PSMC3IP: variants seen among roughly 807,000 people sequenced by gnomAD.
The protein encoded by PSMC3IP is PSMC3 interacting protein.
Under a neutral mutation model 34.9 loss-of-function variants are expected in PSMC3IP, and 26 were observed. The observed-to-expected ratio is 0.74, with a 90% CI of 0.55 to 1.03. The LOEUF is 1.03. Ranked by LOEUF, PSMC3IP falls within the 50% of genes least tolerant of loss-of-function variation. The pLI, the probability that PSMC3IP is intolerant of heterozygous loss-of-function variation, is 0.00. For synonymous variants in PSMC3IP, 87 were observed against 96.5 expected (o/e 0.90, Z 0.57); for missense variants, 250 against 263.1 (o/e 0.95, Z 0.34).
Position 42,577,574 on chromosome 17 carries a change from A to C in PSMC3IP, c.35-13T>G. On this transcript the variant is annotated splice_polypyrimidine_tract_variant and intron_variant, in intron 1 of 7. Coordinates refer to ENST00000393795, the MANE Select transcript of PSMC3IP (RefSeq NM_016556.4). ...AGGATCCCGGCGGCTACGGAGAGAA[A>C]GGCAGGGGAGGGGGCCACTCAACCG... 1 of 1,614,124 alleles carries C rather than the reference A, an allele frequency of 6.2e-7. No individual in the cohort carries two copies. The highest frequency in any genetic ancestry group is 8.5e-7 in the Non-Finnish European group (1 of 1,180,020).
At position 42,577,541 on chromosome 17, in the gene PSMC3IP, A is replaced by G. The variant is rs752963159; in HGVS notation, c.55T>C (p.Tyr19His). 1.2e-6 allele frequency: 2 copies of G among 1,614,108 alleles called. No homozygotes were observed. Among genetic ancestry groups the G allele is most frequent in the Non-Finnish European group, 1.7e-6 (2 of 1,180,018 alleles). ...TAGGGCCGGTTCTGCTCCTGCAGGT[A>G]CCTCAGGAGGATCCCGGCGGCTACG... ...AAGAAGILLRYLQEQNRPYSS... is the reference protein window; with the variant it reads ...AAGAAGILLRHLQEQNRPYSS... The change falls in exon 2 of 8, where the codon TAC becomes CAC. Residue 19 changes from tyrosine to histidine, a missense_variant. Transcript: ENST00000393795.
chr17:42,573,098 T>C lies in PSMC3IP; in HGVS notation c.597+9A>G. The C allele has an allele frequency of 6.2e-7, 1 of 1,614,164 alleles. No individual in the cohort carries two copies. Among genetic ancestry groups the C allele is most frequent in the Non-Finnish European group, 8.5e-7 (1 of 1,180,012 alleles). On this transcript the variant is annotated intron_variant, in intron 7 of 7. Coordinates refer to ENST00000393795, the MANE Select transcript of PSMC3IP (RefSeq NM_016556.4). ...CAGGGAAGCAAAGAAGGAAGAGAGC[T>C]CCACTTACAAAGAACTGCTTCTTGC...
In PSMC3IP at chr17:42,572,954, T is replaced by A; in HGVS notation, c.*14A>T. 6.2e-7 allele frequency: 1 copy of A among 1,613,854 alleles called. No homozygotes were observed. Among genetic ancestry groups the A allele is most frequent in the Non-Finnish European group, 8.5e-7 (1 of 1,179,854 alleles). ...GACATCCTGCAGTCCCCACCAGTCCTGACCGTGGGCCCCTCAGGGGTCTGG... is the reference window on the plus strand; with the variant it reads ...GACATCCTGCAGTCCCCACCAGTCCAGACCGTGGGCCCCTCAGGGGTCTGG... On this transcript the variant is annotated 3_prime_UTR_variant, in exon 8 of 8. Transcript: ENST00000393795.
At chr17:42,576,182 A>C (rs557441869) in intron 3 of PSMC3IP, among the ~76,000 whole-genome samples, 1 of 152,252 alleles carries the variant, frequency 6.6e-6, no homozygotes, top group African/African-American at 2.4e-5. Flanking sequence ...AGGGAAGACA[A>C]CATGCAAAGG....
intron 3 of PSMC3IP, chr17:42,577,009 C>T: frequency 7.9e-7 from 1 of 1,269,874 alleles, no homozygotes; most frequent in Non-Finnish European, 1.1e-6. Context: ...AATACAGAAT[C>T]TTCTGTCATC....
chr17:42,573,415 CTG>C, intron 5 of PSMC3IP, 51 bp from the exon 6 acceptor site: 2 of 1,614,258 alleles, frequency 1.2e-6, no homozygotes, highest in Non-Finnish European at 1.7e-6. Context: ...CAGCAGCCCT[CTG>C]GGGCTCAGCC....
At position 42,574,154 on chromosome 17, in the gene PSMC3IP, C is replaced by T. The variant is rs2093057475; in HGVS notation, c.282G>A (p.Val94=). 6.2e-7 allele frequency: 1 copy of T among 1,614,184 alleles called. No homozygotes were observed. Among genetic ancestry groups the T allele is most frequent in the Non-Finnish European group, 8.5e-7 (1 of 1,180,032 alleles). The change falls in exon 4 of 8, where the codon GTG becomes GTA. Residue 94 remains valine (V), a synonymous_variant. Coordinates refer to ENST00000393795, the MANE Select transcript of PSMC3IP (RefSeq NM_016556.4). The stretch of plus-strand genomic sequence containing the variant: ...AGCTCTGCACCTTAGCAGTGAGGGC[C>T]ACGATTTTGCCATCTAGGACTTGAA... ...ADLQVLDGKI[V]ALTAKVQSLQ...
rs1191522298 is a variant in PSMC3IP at position 42,572,934 on chromosome 17, C to T, written c.*34G>A. 3.7e-6 allele frequency: 6 copies of T among 1,610,838 alleles called. No individual in the cohort carries two copies. The highest frequency in any genetic ancestry group is 5.1e-6 in the Non-Finnish European group (6 of 1,177,602). ...GCAAGACATCTCACTCTTCTGACAT[C>T]CTGCAGTCCCCACCAGTCCTGACCG... On this transcript the variant is annotated 3_prime_UTR_variant, in exon 8 of 8. Transcript: ENST00000393795.
In PSMC3IP at chr17:42,573,444, ACCTGCACAGCGGT is replaced by A. The variant is rs762773047; in HGVS notation, c.483+21_483+33del. 1.7e-5 allele frequency: 27 copies of A among 1,614,192 alleles called. No homozygotes were observed. The East Asian group carries it at 5.8e-4, about 35-fold the overall frequency. On this transcript the variant is annotated intron_variant, in intron 5 of 7. Coordinates refer to ENST00000393795, the MANE Select transcript of PSMC3IP (RefSeq NM_016556.4). ...GGCTCAGCCCTGATGTTCACTCTGG[ACCTGCACAGCGGT>A]CCTACAGCCTTCCAGCTCACCTGCT...
chr17:42,576,783 G>GT (rs1436879476), intron 3 of PSMC3IP: 1 of 283,126 alleles, frequency 3.5e-6, no homozygotes, highest in Non-Finnish European at 7.0e-6. Context: ...CCAGTCCGGG[G>GT]TGGGGGGAAG....
intron 4 of PSMC3IP, chr17:42,573,861 A>G (rs2093054552): frequency 6.5e-7 from 1 of 1,531,866 alleles, no homozygotes. Context: ...GAATAAAGGG[A>G]AACGTGGGGA....
chr17:42,573,576 C>A lies in PSMC3IP; in HGVS notation c.385G>T (p.Glu129Ter). ...CATTCCTTCTTTAACTCCTGGATTT[C>A]TTTCTGCATCTCTGGTGTGGTCAGG... ...SALTTPEMQK[E>*]IQELKKECAG... Residue 129 changes from glutamate to a stop codon, truncating the protein, a stop_gained, in exon 5 of 8, where the codon GAA (glutamate) becomes TAA (stop). Coordinates refer to ENST00000393795, the MANE Select transcript of PSMC3IP (RefSeq NM_016556.4). LOFTEE classifies it high-confidence loss of function. The A allele has an allele frequency of 9.3e-6, 15 of 1,614,192 alleles. No homozygotes were observed. The highest frequency in any genetic ancestry group is 1.2e-5 in the Non-Finnish European group (14 of 1,180,020).
In PSMC3IP at chr17:42,577,413, G is replaced by A. The variant is rs762904048; in HGVS notation, c.135+48C>T. 1.9e-6 allele frequency: 3 copies of A among 1,610,708 alleles called. No homozygotes were observed. In the Admixed American group the frequency reaches 5.0e-5, roughly 27 times the overall value. The stretch of plus-strand genomic sequence containing the variant: ...GCTCCAAAGGGCACGACCCCAGCCT[G>A]AATCCAGGGAGTCCGACGGAGAGGG... On this transcript the variant is annotated intron_variant, in intron 2 of 7. Transcript: ENST00000393795.
rs1418091617 is a variant in PSMC3IP, at chr17:42,573,466, C to G, written c.483+12G>C. On this transcript the variant is annotated intron_variant, in intron 5 of 7. Coordinates refer to ENST00000393795, the MANE Select transcript of PSMC3IP (RefSeq NM_016556.4). ...TGGACCTGCACAGCGGTCCTACAGC[C>G]TTCCAGCTCACCTGCTCTTTCTCTT... 4 of 1,614,250 alleles carry G rather than the reference C, an allele frequency of 2.5e-6. No individual in the cohort carries two copies. The highest frequency in any genetic ancestry group is 1.7e-6 in the Non-Finnish European group (2 of 1,180,038).
chr17:42,577,694 C>A lies in PSMC3IP; in HGVS notation c.-8G>T. ...TGCCCGGCCTTTACTCATCGCCTTTCCCGCCACCCAACTCAGAAAGCCGGA... is the reference window on the plus strand; with the variant it reads ...TGCCCGGCCTTTACTCATCGCCTTTACCGCCACCCAACTCAGAAAGCCGGA... On this transcript the variant is annotated 5_prime_UTR_variant, in exon 1 of 8. Coordinates refer to ENST00000393795, the MANE Select transcript of PSMC3IP (RefSeq NM_016556.4). 1 of 1,614,060 alleles carries A rather than the reference C, an allele frequency of 6.2e-7. No individual in the cohort carries two copies. Among genetic ancestry groups the A allele is most frequent in the Non-Finnish European group, 8.5e-7 (1 of 1,179,930 alleles).
chr17:42,573,825 T>C, intron 4 of PSMC3IP: 4 of 1,530,876 alleles, frequency 2.6e-6, no homozygotes, highest in Non-Finnish European at 3.5e-6. Flanking sequence ...GAACACTTAC[T>C]TAGGCGTAGC....
In PSMC3IP at chr17:42,574,141, T is replaced by G; in HGVS notation, c.295A>C (p.Lys99Gln). The G allele has an allele frequency of 6.2e-7, 1 of 1,614,176 alleles. No individual in the cohort carries two copies. Among genetic ancestry groups the G allele is most frequent in the Non-Finnish European group, 8.5e-7 (1 of 1,180,026 alleles). Residue 99 changes from lysine (K) to glutamine (Q), a missense_variant, in exon 4 of 8, where the codon AAG becomes CAG. Coordinates refer to ENST00000393795, the MANE Select transcript of PSMC3IP (RefSeq NM_016556.4). Reference sequence around the variant, plus strand: ...CAGCTCTGCTGCAAGCTCTGCACCTTAGCAGTGAGGGCCACGATTTTGCCA... The same window carrying G: ...CAGCTCTGCTGCAAGCTCTGCACCTGAGCAGTGAGGGCCACGATTTTGCCA... ...LDGKIVALTA[K>Q]VQSLQQSCRY...
intron 3 of PSMC3IP, 33 bp downstream of exon 3, chr17:42,577,180 T>G: frequency 6.2e-7 from 1 of 1,613,936 alleles, no homozygotes; most frequent in South Asian, 1.1e-5. Context: ...TGTCGGGCTC[T>G]CATGGGTGAC....
At position 42,572,518 on chromosome 17, in the gene PSMC3IP, C is replaced by A. The variant is rs910491748; in HGVS notation, c.*450G>T. On this transcript the variant is annotated 3_prime_UTR_variant, in exon 8 of 8. Transcript: ENST00000393795. ...TACTTAAAAGGGCTCCTGGGGTACA[C>A]AAGCCCAGCAGGTCCTGAGTGAAGC... is the stretch of plus-strand genomic sequence containing the variant. 2.2e-6 allele frequency: 1 copy of A among 454,462 alleles called. No homozygotes were observed. Among genetic ancestry groups the A allele is most frequent in the Non-Finnish European group, 4.4e-6 (1 of 226,708 alleles). The allele number at this position is 454,462 out of a possible 1,614,324, so 28.2% of individuals were successfully genotyped here. A position where few individuals can be genotyped will look rare whatever the true frequency, so the allele number is the denominator to read the frequency against.
Sources: gnomAD v4.1 joint callset for allele counts (sites outside exome capture counted in the v4.1 genomes callset) on GRCh38, gnomAD v4.1.1 for gene constraint, MANE v1.5 for transcripts, NCBI Gene and HGNC (gene_info 2026-07-23, HGNC 2026-07-21) for gene names.